The following ADGRV1 variants were observed in gnomAD, a reference collection of about 807,000 sequenced individuals.
ADGRV1 encodes the protein adhesion G protein-coupled receptor V1.
In ADGRV1, 359 loss-of-function variants were observed where a neutral mutation model predicts 596.2. The ratio of observed to expected loss-of-function variants is 0.60; its 90% CI spans 0.55 to 0.66. ADGRV1 has a LOEUF of 0.66. ADGRV1 is among the 30% of genes least tolerant of loss of function. The pLI is 0.00. For missense variants in ADGRV1, 7,274 were observed against 7,575.6 expected (o/e 0.96, Z 1.48); for synonymous variants, 2,681 against 2,679.2 (o/e 1.00, Z -0.02).
rs1020516112 is a variant in ADGRV1 at position 90,596,656 on chromosome 5, G to A, written c.23-18179G>A. Among the ~76,000 whole-genome samples the A allele has an allele frequency of 5.9e-5, 9 of 152,256 alleles. No individual in the cohort carries two copies. In the South Asian group the frequency reaches 8.3e-4, roughly 14 times the overall value. ...AATACGAAAACCAGTCAGGCGTGGC[G>A]GCGCGCGCCTGCAATTGCAGGCACT... On this transcript the variant is annotated intron_variant, in intron 1 of 89. Coordinates refer to ENST00000405460, the MANE Select transcript of ADGRV1 (RefSeq NM_032119.4).
rs75120689 is a variant in ADGRV1 at position 90,961,100 on chromosome 5, A to G, written c.17857-4315A>G. Among the ~76,000 whole-genome samples the G allele has an allele frequency of 3.3e-3, 507 of 152,278 alleles. 3 individuals are homozygous for G. Among genetic ancestry groups the G allele is most frequent in the African/African-American group, 0.012 (486 of 41,566 alleles). On this transcript the variant is annotated intron_variant, in intron 83 of 89. Coordinates refer to ENST00000405460, the MANE Select transcript of ADGRV1 (RefSeq NM_032119.4). ...TATTAGAAAGAACTACATTTGGCTC[A>G]TTATAAATGCTCGATAACAAAATGC...
chr5:90,692,761 T>C lies in ADGRV1; in HGVS notation c.7108T>C (p.Cys2370Arg). 1 of 1,602,158 alleles carries C rather than the reference T, an allele frequency of 6.2e-7. No individual in the cohort carries two copies. Among genetic ancestry groups the C allele is most frequent in the South Asian group, 1.1e-5 (1 of 88,548 alleles). Reference sequence around the variant, plus strand: ...TCAAGAGCCTCTGGAAAGAAGTTCCTGTGCTAATATAACTGTCAGGCGAAG... The same window carrying C: ...TCAAGAGCCTCTGGAAAGAAGTTCCCGTGCTAATATAACTGTCAGGCGAAG... ...RVQEPLERSSCANITVRRSGG... is the reference protein window; with the variant it reads ...RVQEPLERSSRANITVRRSGG... Residue 2370 changes from cysteine (C) to arginine (R), a missense_variant, in exon 32 of 90, where the codon TGT becomes CGT. Around this residue, in one of 5 missense-constraint regions of ADGRV1, gnomAD observed 3,643 missense variants for 3,809.2 expected, o/e 0.96. Transcript: ENST00000405460.
intron 79 of ADGRV1, 49 bp from the exon 80 acceptor site, chr5:90,853,235 G>A (rs745462360): frequency 2.6e-6 from 4 of 1,531,504 alleles, no homozygotes; most frequent in Middle Eastern, 1.8e-4. Flanking sequence ...GTGGATATAT[G>A]TATTCAAATA....
intron 43 of ADGRV1, chr5:90,717,028 G>T (rs1203981670): frequency 1.6e-5 from 3 of 191,010 alleles, no homozygotes; most frequent in Admixed American, 5.5e-5. Context: ...ACTTTATATT[G>T]TGTATAAACC....
intron 84 of ADGRV1, among the ~76,000 whole-genome samples, chr5:90,968,835 A>AT (rs533866203): frequency 6.6e-6 from 1 of 152,092 alleles, no homozygotes; most frequent in Non-Finnish European, 1.5e-5. Context: ...ATTCTACTTC[A>AT]TTTTTTTAGT....
intron 70 of ADGRV1, among the ~76,000 whole-genome samples, chr5:90,797,774 T>C (rs780925872): frequency 6.6e-6 from 1 of 152,162 alleles, no homozygotes; most frequent in African/African-American, 2.4e-5. Flanking sequence ...AATAACAGTC[T>C]TTCAGAGCAC....
chr5:90,848,635 AGAT>A lies in ADGRV1; in HGVS notation c.17020-1_17021del. On this transcript the variant is annotated splice_acceptor_variant and coding_sequence_variant, in exon 79 of 90. Transcript: ENST00000405460. LOFTEE classifies it high-confidence loss of function. Reference sequence around the variant, plus strand: ...ATTTTTATACTTAGATTCTTTTTCCAGATAACTACTGAAGGAAAAATTCAAGCT... The same window carrying A: ...ATTTTTATACTTAGATTCTTTTTCCAAACTACTGAAGGAAAAATTCAAGCT... 1 of 1,445,576 alleles carries A rather than the reference AGAT, an allele frequency of 6.9e-7. No homozygotes were observed. Among genetic ancestry groups the A allele is most frequent in the Non-Finnish European group, 9.1e-7 (1 of 1,099,062 alleles). 89.5% of individuals were successfully genotyped at this position (1,445,576 alleles called of 1,614,324 possible).
chr5:90,585,093 G>A (rs1394507167), intron 1 of ADGRV1, among the ~76,000 whole-genome samples: 2 of 152,112 alleles, frequency 1.3e-5, no homozygotes, highest in African/African-American at 2.4e-5. Context: ...GTTTTACACT[G>A]GAATTTCAAC....
intron 83 of ADGRV1, among the ~76,000 whole-genome samples, chr5:90,906,511 A>G (rs746396012): frequency 6.6e-6 from 1 of 152,142 alleles, no homozygotes; most frequent in African/African-American, 2.4e-5. Context: ...ATTTATTGGC[A>G]TATAGTTTCT....
intron 1 of ADGRV1, among the ~76,000 whole-genome samples, chr5:90,596,658 C>T (rs968803866): frequency 1.3e-5 from 2 of 152,154 alleles, no homozygotes; most frequent in African/African-American, 2.4e-5. Flanking sequence ...GGCGTGGCGG[C>T]GCGCGCCTGC....
At chr5:90,662,943 A>C (rs1432667829) in intron 21 of ADGRV1, among the ~76,000 whole-genome samples, 3 of 150,978 alleles carry the variant, frequency 2.0e-5, no homozygotes, top group Admixed American at 2.0e-4. Context: ...ACATGAACTC[A>C]TCATTTTTTA....
intron 87 of ADGRV1, among the ~76,000 whole-genome samples, chr5:91,124,810 G>A (rs1793609886): frequency 6.6e-6 from 1 of 152,150 alleles, no homozygotes; most frequent in Admixed American, 6.5e-5. Flanking sequence ...ATATAAAACT[G>A]TAAACTTTTC....
chr5:90,877,335 C>A (rs1769312162), intron 83 of ADGRV1, among the ~76,000 whole-genome samples: 4 of 152,264 alleles, frequency 2.6e-5, no homozygotes, highest in South Asian at 4.1e-4. Flanking sequence ...TACTCCTGGG[C>A]AGACCTGTTG....
chr5:91,100,339 G>C (rs1046609073), intron 86 of ADGRV1, among the ~76,000 whole-genome samples: 4 of 152,092 alleles, frequency 2.6e-5, no homozygotes, highest in African/African-American at 9.7e-5. Context: ...TGGCAGGATG[G>C]CTTGAGCCCA....
At chr5:91,067,142 AT>A (rs35645124) in intron 85 of ADGRV1, among the ~76,000 whole-genome samples, 18,052 of 130,166 alleles carry the variant, frequency 0.14, 1,126 homozygotes, top group Admixed American at 0.27. Flanking sequence ...TGCAAAGGAG[AT>A]TTTTTTTTTT....
chr5:90,786,531 G>A (rs1759472551), intron 67 of ADGRV1, among the ~76,000 whole-genome samples: 2 of 152,184 alleles, frequency 1.3e-5, no homozygotes, highest in Non-Finnish European at 2.9e-5. Context: ...GATTCAAGAA[G>A]CTGGTGGGGC....
At position 90,637,854 on chromosome 5, in the gene ADGRV1, T is replaced by G; in HGVS notation, c.2146T>G (p.Phe716Val). The G allele has an allele frequency of 1.2e-6, 2 of 1,613,728 alleles. No homozygotes were observed. Among genetic ancestry groups the G allele is most frequent in the Non-Finnish European group, 1.7e-6 (2 of 1,179,780 alleles). ...AGGCCCCTTTAATGGCTCTGTTTTG[T>G]TTTTATCTGGGCAAAGTGACACAAC... ...DIGPFNGSVL[F>V]LSGQSDTTIN... The change falls in exon 11 of 90, where the codon TTT becomes GTT. Residue 716 changes from phenylalanine to valine, a missense_variant. By Grantham distance (50) the Phe-to-Val change is conservative (BLOSUM62 -1). Coordinates refer to ENST00000405460, the MANE Select transcript of ADGRV1 (RefSeq NM_032119.4).
chr5:90,647,719 C>T lies in ADGRV1; in HGVS notation c.3244C>T (p.Pro1082Ser), dbSNP rs794727196. 3 of 1,613,534 alleles carry T rather than the reference C, an allele frequency of 1.9e-6. No homozygotes were observed. Among genetic ancestry groups the T allele is most frequent in the Non-Finnish European group, 2.5e-6 (3 of 1,179,670 alleles). Reference sequence around the variant, plus strand: ...CATATTTGTTAATGAAGATGGTATCCCGGAAACAGATGAGCCCTTTTATAT... The same window carrying T: ...CATATTTGTTAATGAAGATGGTATCTCGGAAACAGATGAGCCCTTTTATAT... ...ISIFVNEDGIPETDEPFYIIL... is the reference protein window; with the variant it reads ...ISIFVNEDGISETDEPFYIIL... The change falls in exon 17 of 90, where the codon CCG becomes TCG. Residue 1082 changes from proline to serine, a missense_variant. By Grantham distance (74) the Pro-to-Ser change is moderately conservative. Transcript: ENST00000405460.
At chr5:90,874,886 G>A (rs1211332013) in intron 83 of ADGRV1, among the ~76,000 whole-genome samples, 1 of 151,926 alleles carries the variant, frequency 6.6e-6, no homozygotes, top group Non-Finnish European at 1.5e-5. Flanking sequence ...AAACAACCTG[G>A]TTAAATAAGA....
Sources: allele counts gnomAD v4.1 joint callset (sites outside exome capture counted in the v4.1 genomes callset), GRCh38; gene constraint gnomAD v4.1.1; regional missense constraint gnomAD v4.1.1; transcripts MANE v1.5; gene names NCBI Gene and HGNC (gene_info 2026-07-23, HGNC 2026-07-21).